Variants in CCDC14 observed in about 807,000 individuals in gnomAD.
CCDC14 encodes the protein coiled-coil domain-containing protein 14.
CCDC14 carries 71 observed loss-of-function variants against 81.4 expected under a neutral mutation model. That is an observed-to-expected ratio of 0.87 (90% CI 0.72 to 1.06). The LOEUF is 1.06. Among genes scored for constraint, CCDC14 ranks in the 50% least tolerant of loss-of-function variants. The probability of loss-of-function intolerance (pLI) is 0.00; values close to 1 mark genes in which losing one functional copy is unlikely to be tolerated. For synonymous variants in CCDC14, 332 were observed against 364.8 expected (o/e 0.91, Z 1.03); for missense variants, 1,046 against 1,047.3 (o/e 1.00, Z 0.02).
intron 5 of CCDC14, among the ~76,000 whole-genome samples, chr3:123,901,663 C>T (rs887791760): frequency 6.6e-6 from 1 of 152,114 alleles, no homozygotes; most frequent in Non-Finnish European, 1.5e-5. Flanking sequence ...GGTAGGCATA[C>T]TCAGCCATTT....
chr3:123,904,502 T>C (rs1346660921), intron 5 of CCDC14, among the ~76,000 whole-genome samples: 1 of 152,050 alleles, frequency 6.6e-6, no homozygotes, highest in Non-Finnish European at 1.5e-5. Context: ...TTTATGTGTA[T>C]GTATAAAGAA....
chr3:123,933,188 A>C (rs1233256818), intron 10 of CCDC14, among the ~76,000 whole-genome samples: 1 of 152,202 alleles, frequency 6.6e-6, no homozygotes, highest in Non-Finnish European at 1.5e-5. Flanking sequence ...TGTTGTTTGC[A>C]CTGGGAAAAA....
At chr3:123,885,792 T>C in the CCDC14 span, among the ~76,000 whole-genome samples, 1 of 152,184 alleles carries the variant, frequency 6.6e-6, no homozygotes, top group Non-Finnish European at 1.5e-5. Context: ...ATTCCTAGAT[T>C]CATTAATTAA....
downstream of CCDC14, among the ~76,000 whole-genome samples, chr3:123,893,228 T>C (rs1045571913): frequency 6.6e-5 from 10 of 152,210 alleles, no homozygotes; most frequent in African/African-American, 2.4e-4. Flanking sequence ...TTAAGCAACA[T>C]CTCCCATTTC....
At chr3:123,885,390 A>C in the CCDC14 span, among the ~76,000 whole-genome samples, 14 of 151,392 alleles carry the variant, frequency 9.2e-5, no homozygotes, top group Non-Finnish European at 1.6e-4. Context: ...CCCAAAAGTA[A>C]CCACTAACCT....
At chr3:123,944,147 T>C (rs2036504969) in intron 9 of CCDC14, among the ~76,000 whole-genome samples, 1 of 152,130 alleles carries the variant, frequency 6.6e-6, no homozygotes, top group Non-Finnish European at 1.5e-5. Flanking sequence ...CTGGTGTCTG[T>C]TGCAGAACTG....
At chr3:123,930,916 C>A in intron 12 of CCDC14, 186 bp downstream of exon 12, 1 of 550,214 alleles carries the variant, frequency 1.8e-6, no homozygotes, top group Non-Finnish European at 3.0e-6. Context: ...AAACATTTCG[C>A]CAGGTTTGAA....
chr3:123,913,741 T>C lies in CCDC14; in HGVS notation c.*1038A>G. The C allele has an allele frequency of 1.0e-6, 1 of 984,166 alleles. No homozygotes were observed. The highest frequency in any genetic ancestry group is 1.2e-6 in the Non-Finnish European group (1 of 829,750). The allele number at this position is 984,166 out of a possible 1,614,324, so 61.0% of individuals were successfully genotyped here. A position where few individuals can be genotyped will look rare whatever the true frequency, so the allele number is the denominator to read the frequency against. ...GTTCTGGGATTAGGAGAACACTCTT[T>C]AATGATAAAGCCTGTCCAAGTACTA... is the stretch of plus-strand genomic sequence containing the variant. On this transcript the variant is annotated 3_prime_UTR_variant, in exon 13 of 13. Coordinates refer to ENST00000409697, the MANE Select transcript of CCDC14 (RefSeq NM_001366335.1).
At chr3:123,900,617 T>C (rs933698896) in intron 5 of CCDC14, among the ~76,000 whole-genome samples, 2 of 152,212 alleles carry the variant, frequency 1.3e-5, no homozygotes, top group African/African-American at 4.8e-5. Context: ...ATGTTGCTAA[T>C]AAAAATCTAT....
intron 12 of CCDC14, among the ~76,000 whole-genome samples, chr3:123,930,050 A>AACCAATG (rs2035607315): frequency 6.6e-6 from 1 of 152,242 alleles, no homozygotes; most frequent in African/African-American, 2.4e-5. Flanking sequence ...CTCTGACTAG[A>AACCAATG]ACCTAATCAA....
chr3:123,953,140 C>T (rs2037127264), intron 5 of CCDC14: 1 of 154,368 alleles, frequency 6.5e-6, no homozygotes, highest in African/African-American at 2.4e-5. Flanking sequence ...GGTCTTCACC[C>T]TGGTCTCCCT....
intron 12 of CCDC14, among the ~76,000 whole-genome samples, chr3:123,920,023 A>G (rs2148806903): frequency 6.6e-6 from 1 of 152,334 alleles, no homozygotes; most frequent in African/African-American, 2.4e-5. Flanking sequence ...AATTTGGAAA[A>G]TAATTAACAA....
chr3:123,922,096 G>C, intron 12 of CCDC14, among the ~76,000 whole-genome samples: 1 of 152,028 alleles, frequency 6.6e-6, no homozygotes, highest in Non-Finnish European at 1.5e-5. Flanking sequence ...TCACAAACGT[G>C]GAAATTAAGC....
In CCDC14 at chr3:123,948,990, G is replaced by A; in HGVS notation, c.495C>T (p.His165=). 1.2e-6 allele frequency: 2 copies of A among 1,613,936 alleles called. No homozygotes were observed. The highest frequency in any genetic ancestry group is 1.7e-6 in the Non-Finnish European group (2 of 1,179,854). ...SPIIYQALCE[H]VQTQMSLMND... ...TCATCAGTGACATCTGAGTCTGCAC[G>A]TGCTCACAGAGGGCTTGGTATATTA... The change falls in exon 6 of 13, where the codon CAC becomes CAT. Residue 165 remains histidine (H), a synonymous_variant. Transcript: ENST00000409697.
chr3:123,926,731 T>C (rs2103353), intron 12 of CCDC14, among the ~76,000 whole-genome samples: 16,742 of 152,024 alleles, frequency 0.11, 2,068 homozygotes, highest in East Asian at 0.42. Flanking sequence ...GGGTTTGTGG[T>C]ATTTCTTTAG....
chr3:123,918,794 G>A (rs554271469), intron 12 of CCDC14, among the ~76,000 whole-genome samples: 3 of 152,258 alleles, frequency 2.0e-5, no homozygotes, highest in African/African-American at 7.2e-5. Context: ...AGCTCATAGC[G>A]GCTACAGCAC....
At chr3:123,938,521 A>G (rs2036178521) in intron 9 of CCDC14, among the ~76,000 whole-genome samples, 1 of 151,950 alleles carries the variant, frequency 6.6e-6, no homozygotes, top group African/African-American at 2.4e-5. Context: ...GATCTTCTAC[A>G]AGAGTTATCA....
chr3:123,896,670 T>TC (rs2034070502), downstream of CCDC14, among the ~76,000 whole-genome samples: 1 of 152,076 alleles, frequency 6.6e-6, no homozygotes, highest in East Asian at 1.9e-4. Context: ...AAAATCTTTT[T>TC]TAAAAAAGAT....
intron 12 of CCDC14, among the ~76,000 whole-genome samples, chr3:123,916,246 G>A (rs765206977): frequency 1.3e-5 from 2 of 151,936 alleles, no homozygotes; most frequent in Admixed American, 6.6e-5. Context: ...TGATCTGCCC[G>A]CCTCAGCCTC....
Sources: allele counts gnomAD v4.1 joint callset (sites outside exome capture counted in the v4.1 genomes callset), GRCh38; gene constraint gnomAD v4.1.1; transcripts MANE v1.5; gene names NCBI Gene and HGNC (gene_info 2026-07-23, HGNC 2026-07-21).